EXOC6B: variants seen among roughly 807,000 people sequenced by gnomAD.
EXOC6B encodes the protein exocyst complex component 6B.
A neutral mutation model predicts 113.5 loss-of-function variants in EXOC6B; 54 were observed. The ratio of observed to expected loss-of-function variants is 0.48; its 90% CI spans 0.38 to 0.60. EXOC6B has a LOEUF of 0.60. EXOC6B is among the 20% of genes least tolerant of loss of function. The pLI is 0.00. For missense variants in EXOC6B, 797 were observed against 977.5 expected (o/e 0.82, Z 2.46); for synonymous variants, 357 against 339.0 (o/e 1.05, Z -0.58).
chr2:72,235,661 C>T (rs1681915810), intron 20 of EXOC6B, among the ~76,000 whole-genome samples: 1 of 151,190 alleles, frequency 6.6e-6, no homozygotes, highest in Non-Finnish European at 1.5e-5. Flanking sequence ...ATGGGACTTT[C>T]CCATTTATAA....
At chr2:72,424,624 A>T (rs1695098054) in intron 18 of EXOC6B, among the ~76,000 whole-genome samples, 1 of 151,988 alleles carries the variant, frequency 6.6e-6, no homozygotes, top group East Asian at 1.9e-4. Context: ...TTTGTTTTTC[A>T]TTCTTACTAG....
At chr2:72,525,579 T>TC (rs1327514800) in intron 8 of EXOC6B, among the ~76,000 whole-genome samples, 9 of 152,156 alleles carry the variant, frequency 5.9e-5, no homozygotes, top group Non-Finnish European at 1.3e-4. Flanking sequence ...AAGATAAGTA[T>TC]CCCTTTTGTT....
intron 18 of EXOC6B, among the ~76,000 whole-genome samples, chr2:72,401,519 A>ATGAAAAAGAATGAAATCATGTTTTT (rs1693182298): frequency 4.3e-5 from 1 of 23,110 alleles, no homozygotes. Context: ...ATATATACAT[A>ATGAAAAAGAATGAAATCATGTTTTT]TATACATATA....
intron 20 of EXOC6B, among the ~76,000 whole-genome samples, chr2:72,287,318 C>G (rs747612039): frequency 5.6e-4 from 85 of 151,390 alleles, no homozygotes; most frequent in Non-Finnish European, 1.1e-3. Flanking sequence ...GTAGTCCCAG[C>G]TACTAGGGAG....
At chr2:72,762,481 G>A (rs114362687) in intron 1 of EXOC6B, among the ~76,000 whole-genome samples, 121 of 151,598 alleles carry the variant, frequency 8.0e-4, no homozygotes, top group African/African-American at 2.9e-3. Flanking sequence ...AATGACTGCA[G>A]ACTTCTCATC....
chr2:72,334,838 T>C (rs772827638), intron 20 of EXOC6B, 109 bp downstream of exon 20: 4 of 900,594 alleles, frequency 4.4e-6, no homozygotes, highest in Non-Finnish European at 6.9e-6. Context: ...AGGTCTCCAA[T>C]GTGAATCGCC....
chr2:72,587,323 C>A (rs1204155200), intron 6 of EXOC6B, among the ~76,000 whole-genome samples: 1 of 152,136 alleles, frequency 6.6e-6, no homozygotes, highest in African/African-American at 2.4e-5. Context: ...AACGGAAAAT[C>A]ATATACTGCA....
intron 1 of EXOC6B, among the ~76,000 whole-genome samples, chr2:72,748,672 T>C (rs1681852052): frequency 6.6e-6 from 1 of 152,050 alleles, no homozygotes; most frequent in Non-Finnish European, 1.5e-5. Flanking sequence ...CACACAAAGA[T>C]AGCCCATATA....
At chr2:72,415,247 G>A (rs371473046) in intron 18 of EXOC6B, among the ~76,000 whole-genome samples, 22 of 151,848 alleles carry the variant, frequency 1.4e-4, no homozygotes, top group African/African-American at 4.4e-4. Flanking sequence ...ATGCCTTTAC[G>A]TCAGTCTCTC....
intron 18 of EXOC6B, among the ~76,000 whole-genome samples, chr2:72,410,332 C>T (rs1472599717): frequency 1.3e-5 from 2 of 152,130 alleles, no homozygotes; most frequent in African/African-American, 4.8e-5. Flanking sequence ...AATTTGTTCT[C>T]CTTTTTTATG....
chr2:72,318,285 G>T (rs867792603), intron 20 of EXOC6B, among the ~76,000 whole-genome samples: 6 of 152,054 alleles, frequency 3.9e-5, no homozygotes, highest in Middle Eastern at 3.2e-3. Flanking sequence ...ACAAAAAAAG[G>T]CAAGAATCAT....
At chr2:72,730,314 G>A (rs556040173) in intron 5 of EXOC6B, among the ~76,000 whole-genome samples, 2 of 152,120 alleles carry the variant, frequency 1.3e-5, no homozygotes, top group African/African-American at 4.8e-5. Context: ...AGTAGACTAT[G>A]AGTAAAGATG....
At chr2:72,648,894 A>G (rs1342848960) in intron 6 of EXOC6B, among the ~76,000 whole-genome samples, 2 of 152,222 alleles carry the variant, frequency 1.3e-5, no homozygotes, top group African/African-American at 2.4e-5. Context: ...TTGTAATTCC[A>G]GCACTTTGGG....
intron 15 of EXOC6B, among the ~76,000 whole-genome samples, chr2:72,493,892 C>T (rs555923324): frequency 2.4e-4 from 37 of 152,136 alleles, no homozygotes; most frequent in African/African-American, 8.9e-4. Context: ...TGAGAGCCTG[C>T]ATGTAAAAGA....
At chr2:72,738,490 A>T (rs1430702000) in intron 2 of EXOC6B, among the ~76,000 whole-genome samples, 1 of 152,302 alleles carries the variant, frequency 6.6e-6, no homozygotes, top group Middle Eastern at 3.4e-3. Flanking sequence ...TTGAATGAAA[A>T]TTTTGTATTA....
rs1005343251 is a variant in EXOC6B at position 72,301,584 on chromosome 2, T to C, written c.2196+33363A>G. 6.6e-5 allele frequency among the ~76,000 whole-genome samples: 10 copies of C among 152,294 alleles called. No individual in the cohort carries two copies. In the South Asian group the frequency reaches 2.1e-3, roughly 32 times the overall value. ...CCTGGTTCAGGTTTGGGAGGGTGTA[T>C]GTGTCCAGGAATTTATCCATCTCTT... On this transcript the variant is annotated intron_variant, in intron 20 of 21. Transcript: ENST00000272427.
intron 20 of EXOC6B, among the ~76,000 whole-genome samples, chr2:72,249,618 TA>T (rs964718231): frequency 6.6e-6 from 1 of 152,046 alleles, no homozygotes; most frequent in Non-Finnish European, 1.5e-5. Context: ...TTTAACTTTG[TA>T]AAAAAAATTG....
At chr2:72,767,138 TG>T (rs1224034247) in intron 1 of EXOC6B, among the ~76,000 whole-genome samples, 1 of 152,050 alleles carries the variant, frequency 6.6e-6, no homozygotes, top group East Asian at 1.9e-4. Context: ...CAAAAAATAT[TG>T]GGTTTCCTGG....
chr2:72,485,216 C>A (rs1282355007), intron 16 of EXOC6B, among the ~76,000 whole-genome samples: 3 of 152,172 alleles, frequency 2.0e-5, no homozygotes, highest in Non-Finnish European at 2.9e-5. Flanking sequence ...TCATCATCTT[C>A]CATAGTTCAA....
Sources: allele counts gnomAD v4.1 joint callset (sites outside exome capture counted in the v4.1 genomes callset), GRCh38; gene constraint gnomAD v4.1.1; transcripts MANE v1.5; gene names NCBI Gene and HGNC (gene_info 2026-07-23, HGNC 2026-07-21).